RAB21: variants seen among roughly 807,000 people sequenced by gnomAD.
RAB21 encodes the protein ras-related protein Rab-21.
In RAB21, 13 loss-of-function variants were observed where a neutral mutation model predicts 33.1. The ratio of observed to expected loss-of-function variants is 0.39; its 90% CI spans 0.26 to 0.62. The LOEUF (loss-of-function observed/expected upper bound fraction) is 0.62, where lower values mean the gene tolerates loss of function less well. Among genes scored for constraint, RAB21 ranks in the 20% least tolerant of loss-of-function variants. The pLI is 0.48. For missense variants in RAB21, 234 were observed against 279.1 expected (o/e 0.84, Z 1.15); for synonymous variants, 91 against 103.7 (o/e 0.88, Z 0.74).
At chr12:71,783,714 A>G (rs916241416) in intron 6 of RAB21, among the ~76,000 whole-genome samples, 1 of 152,160 alleles carries the variant, frequency 6.6e-6, no homozygotes, top group Non-Finnish European at 1.5e-5. Context: ...ATAAGAGCCA[A>G]TGCTGTACAT....
chr12:71,776,489 A>G lies in RAB21; in HGVS notation c.391+2467A>G, dbSNP rs1317844404. Among the ~76,000 whole-genome samples, 6 of 152,228 alleles carry G rather than the reference A, an allele frequency of 3.9e-5. No homozygotes were observed. The South Asian group carries it at 1.2e-3, about 32-fold the overall frequency. On this transcript the variant is annotated intron_variant, in intron 4 of 6. Transcript: ENST00000261263. ...ATATTTTTAATGTTCATATTATAAG[A>G]CGTTTTAGGAATATTGGATCTGGTA...
At position 71,782,558 on chromosome 12, in the gene RAB21, CTTT is replaced by C. The variant is rs756886271; in HGVS notation, c.447-6_447-4del. On this transcript the variant is annotated splice_polypyrimidine_tract_variant and intron_variant, in intron 5 of 6. Coordinates refer to ENST00000261263, the MANE Select transcript of RAB21 (RefSeq NM_014999.4). ...TATTTTACATCAATCACCGATGTTA[CTTT>C]TTTTTAAGGTATGCAGAATCTGTGG... The C allele has an allele frequency of 3.9e-6, 6 of 1,543,140 alleles. No homozygotes were observed. The highest frequency in any genetic ancestry group is 5.3e-6 in the Non-Finnish European group (6 of 1,133,244).
chr12:71,789,613 T>C lies in RAB21; in HGVS notation c.*3940T>C, dbSNP rs1883350186. On this transcript the variant is annotated 3_prime_UTR_variant, in exon 7 of 7. Coordinates refer to ENST00000261263, the MANE Select transcript of RAB21 (RefSeq NM_014999.4). ...GTAGTGACCCGCAGGAGCCTCACAA[T>C]AATGTCTAAAGATATAAACTGAGTA... 1 of 152,156 alleles carries C rather than the reference T, an allele frequency of 6.6e-6. No homozygotes were observed. The highest frequency in any genetic ancestry group is 2.4e-5 in the African/African-American group (1 of 41,454). The allele number at this position is 152,156 out of a possible 1,614,324, so 9.4% of individuals were successfully genotyped here.
At position 71,785,698 on chromosome 12, in the gene RAB21, G is replaced by A; in HGVS notation, c.*25G>A. The A allele has an allele frequency of 6.2e-7, 1 of 1,613,546 alleles. No homozygotes were observed. The highest frequency in any genetic ancestry group is 1.1e-5 in the South Asian group (1 of 91,026). ...ACTGTTCACGCCTAAGAAATTAAAAGACAGAACAAAACTGTGGATCATTGC... is the reference window on the plus strand; with the variant it reads ...ACTGTTCACGCCTAAGAAATTAAAAAACAGAACAAAACTGTGGATCATTGC... On this transcript the variant is annotated 3_prime_UTR_variant, in exon 7 of 7. Coordinates refer to ENST00000261263, the MANE Select transcript of RAB21 (RefSeq NM_014999.4).
chr12:71,778,862 G>T (rs1883157595), intron 4 of RAB21, among the ~76,000 whole-genome samples: 1 of 152,162 alleles, frequency 6.6e-6, no homozygotes, highest in Non-Finnish European at 1.5e-5. Context: ...TGCGTTACCT[G>T]CAAGGCGTGG....
At position 71,775,936 on chromosome 12, in the gene RAB21, C is replaced by T. The variant is rs147567340; in HGVS notation, c.391+1914C>T. On this transcript the variant is annotated intron_variant, in intron 4 of 6. Coordinates refer to ENST00000261263, the MANE Select transcript of RAB21 (RefSeq NM_014999.4). ...AGGGGCAAGTCTTGGGGGAAAAAAG[C>T]GAGATGATTTCCCCTGCGTTTTGGT... 2.7e-4 allele frequency among the ~76,000 whole-genome samples: 41 copies of T among 152,188 alleles called. 1 individual carries two copies. The highest frequency in any genetic ancestry group is 1.6e-3 in the Admixed American group (25 of 15,268).
intron 4 of RAB21, among the ~76,000 whole-genome samples, chr12:71,778,160 G>A (rs937477746): frequency 6.6e-6 from 1 of 152,132 alleles, no homozygotes; most frequent in Non-Finnish European, 1.5e-5. Context: ...CCTTATCTAA[G>A]TCCCTGATAT....
intron 6 of RAB21, among the ~76,000 whole-genome samples, chr12:71,784,114 C>G (rs1449819502): frequency 6.6e-6 from 1 of 152,188 alleles, no homozygotes; most frequent in Non-Finnish European, 1.5e-5. Flanking sequence ...GATTGTCCCA[C>G]ATACCTCAAA....
chr12:71,785,145 A>G lies in RAB21; in HGVS notation c.536-386A>G, dbSNP rs183887472. Among the ~76,000 whole-genome samples the G allele has an allele frequency of 5.3e-4, 80 of 152,340 alleles. No individual in the cohort carries two copies. In the East Asian group the frequency reaches 0.013, roughly 25 times the overall value. On this transcript the variant is annotated intron_variant, in intron 6 of 6. Transcript: ENST00000261263. ...ATTTACTTAAAAGTATTACATTTCT[A>G]GTTGAAGAATAAATCCTGCCCCCTA...
At chr12:71,768,822 T>C (rs1364994267) in intron 1 of RAB21, among the ~76,000 whole-genome samples, 2 of 152,216 alleles carry the variant, frequency 1.3e-5, no homozygotes, top group Non-Finnish European at 2.9e-5. Context: ...GTTTGGGAAA[T>C]GCTTGTATAA....
rs1857097386 is a variant in RAB21 at position 71,755,053 on chromosome 12, CG to C, written c.-76del. On this transcript the variant is annotated 5_prime_UTR_variant, in exon 1 of 7. Coordinates refer to ENST00000261263, the MANE Select transcript of RAB21 (RefSeq NM_014999.4). ...CCGGGGCGGTGGGGGCTGAGCCGGC[CG>C]TGGCTGTGAAGGCGCTGCCGCGGCT... 3 of 1,017,362 alleles carry C rather than the reference CG, an allele frequency of 2.9e-6. No homozygotes were observed. Among genetic ancestry groups the C allele is most frequent in the Non-Finnish European group, 3.5e-6 (3 of 851,906 alleles). The allele number at this position is 1,017,362 out of a possible 1,614,324, so 63.0% of individuals were successfully genotyped here. A position where few individuals can be genotyped will look rare whatever the true frequency, so the allele number is the denominator to read the frequency against.
intron 4 of RAB21, among the ~76,000 whole-genome samples, chr12:71,774,805 G>A (rs1037017804): frequency 6.6e-6 from 1 of 151,422 alleles, no homozygotes; most frequent in Non-Finnish European, 1.5e-5. Flanking sequence ...TGATTTTCCA[G>A]GAGATTCAAA....
rs1402574950 is a variant in RAB21 at position 71,789,547 on chromosome 12, T to C, written c.*3874T>C. 1 of 152,130 alleles carries C rather than the reference T, an allele frequency of 6.6e-6. No individual in the cohort carries two copies. Among genetic ancestry groups the C allele is most frequent in the Non-Finnish European group, 1.5e-5 (1 of 67,986 alleles). The allele number at this position is 152,130 out of a possible 1,614,324, so 9.4% of individuals were successfully genotyped here. A position where few individuals can be genotyped will look rare whatever the true frequency, so the allele number is the denominator to read the frequency against. ...AGAGGGAATACATAATTTGTGACCATTTAAGATGCTGATATTTTCTGGAAA... is the reference window on the plus strand; with the variant it reads ...AGAGGGAATACATAATTTGTGACCACTTAAGATGCTGATATTTTCTGGAAA... On this transcript the variant is annotated 3_prime_UTR_variant, in exon 7 of 7. Coordinates refer to ENST00000261263, the MANE Select transcript of RAB21 (RefSeq NM_014999.4).
chr12:71,758,647 A>ATT (rs34094830), intron 1 of RAB21, among the ~76,000 whole-genome samples: 2,802 of 148,856 alleles, frequency 0.019, 94 homozygotes, highest in African/African-American at 0.064. Flanking sequence ...TGCTCGGCTA[A>ATT]TTTTTTTTTT....
rs920414316 is a variant in RAB21, at chr12:71,784,158, T to A, written c.536-1373T>A. Among the ~76,000 whole-genome samples, 3 of 152,202 alleles carry A rather than the reference T, an allele frequency of 2.0e-5. No individual in the cohort carries two copies. In the East Asian group the frequency reaches 5.8e-4, roughly 29 times the overall value. On this transcript the variant is annotated intron_variant, in intron 6 of 6. Transcript: ENST00000261263. ...CATTAATCAAGAGCAGTCTCTAATT[T>A]AAGAGCCCTTTTGTATTTTAAGGAC...
At chr12:71,777,839 G>A (rs1236702859) in intron 4 of RAB21, among the ~76,000 whole-genome samples, 1 of 152,104 alleles carries the variant, frequency 6.6e-6, no homozygotes, top group Non-Finnish European at 1.5e-5. Context: ...GAATCCAAAT[G>A]TTGTTGAGCT....
At chr12:71,776,259 T>C (rs1883117811) in intron 4 of RAB21, among the ~76,000 whole-genome samples, 1 of 152,090 alleles carries the variant, frequency 6.6e-6, no homozygotes, top group African/African-American at 2.4e-5. Flanking sequence ...ATTTAAAAAA[T>C]CATCTAAGTT....
In RAB21 at chr12:71,797,450, CA is replaced by C. The variant is rs969662894; in HGVS notation, c.*11781del. On this transcript the variant is annotated 3_prime_UTR_variant, in exon 7 of 7. Transcript: ENST00000261263. ...CAAGTTATATGCGTGACCACAAAAC[CA>C]AAACTTTGTATTTCACATGAAAATA... 1.3e-5 allele frequency: 2 copies of C among 151,298 alleles called. No homozygotes were observed. Among genetic ancestry groups the C allele is most frequent in the African/African-American group, 4.9e-5 (2 of 41,216 alleles). 9.4% of individuals were successfully genotyped at this position (151,298 alleles called of 1,614,324 possible).
In RAB21 at chr12:71,794,532, G is replaced by C. The variant is rs1883440016; in HGVS notation, c.*8859G>C. 7.6e-6 allele frequency: 1 copy of C among 131,044 alleles called. No individual in the cohort carries two copies. The highest frequency in any genetic ancestry group is 1.6e-5 in the Non-Finnish European group (1 of 64,054). The allele number at this position is 131,044 out of a possible 1,614,324, so 8.1% of individuals were successfully genotyped here. A position where few individuals can be genotyped will look rare whatever the true frequency, so the allele number is the denominator to read the frequency against. On this transcript the variant is annotated 3_prime_UTR_variant, in exon 7 of 7. Transcript: ENST00000261263. ...GCTCACTGCAAGCTCCGGCTCCCGA[G>C]TTCACACCATTCTCCTGCCTCAGCC...
Sources: allele counts gnomAD v4.1 joint callset (sites outside exome capture counted in the v4.1 genomes callset), GRCh38; gene constraint gnomAD v4.1.1; transcripts MANE v1.5; gene names NCBI Gene and HGNC (gene_info 2026-07-23, HGNC 2026-07-21).